NOC4L: variants seen among roughly 807,000 people sequenced by gnomAD.
NOC4L encodes the protein nucleolar complex associated 4 homolog, also known as nucleolar complex protein 4 homolog.
NOC4L carries 40 observed loss-of-function variants against 62.8 expected under a neutral mutation model. That is an observed-to-expected ratio of 0.64 (90% CI 0.49 to 0.83). NOC4L has a LOEUF of 0.83. NOC4L is among the 40% of genes least tolerant of loss of function. NOC4L has a pLI of 0.00. For synonymous variants in NOC4L, 433 were observed against 299.8 expected, an observed-to-expected ratio of 1.44 and a Z score of -4.59; for missense variants, 927 against 701.9, an observed-to-expected ratio of 1.32 and a Z score of -3.62.
rs1227955363 is a variant in NOC4L, at chr12:132,148,902, G to T, written c.901+7G>T. ...ACCCGCGCCTGCGACCTCGGTGAGTGCCGCCGCCTCGCTCACACCACACCC... is the reference window on the plus strand; with the variant it reads ...ACCCGCGCCTGCGACCTCGGTGAGTTCCGCCGCCTCGCTCACACCACACCC... On this transcript the variant is annotated splice_region_variant and intron_variant, in intron 9 of 14. Coordinates refer to ENST00000330579, the MANE Select transcript of NOC4L (RefSeq NM_024078.3). 2 of 1,327,048 alleles carry T rather than the reference G, an allele frequency of 1.5e-6. No homozygotes were observed. Among genetic ancestry groups the T allele is most frequent in the South Asian group, 1.4e-5 (1 of 69,226 alleles). 82.2% of individuals were successfully genotyped at this position (1,327,048 alleles called of 1,614,324 possible).
chr12:132,145,124 G>T (rs1399425823), intron 2 of NOC4L, 150 bp downstream of exon 2: 7 of 1,165,246 alleles, frequency 6.0e-6, no homozygotes, highest in African/African-American at 1.5e-5. Context: ...ATGGATGGTG[G>T]CGTTGGGGCA....
At chr12:132,152,041 G>T in intron 13 of NOC4L, 43 bp from the exon 14 acceptor site, 3 of 1,516,864 alleles carry the variant, frequency 2.0e-6, no homozygotes, top group Non-Finnish European at 1.8e-6. Context: ...GGCACAGGGC[G>T]GGGGCCTGGG....
At chr12:132,150,865 G>C (rs1015231583) in intron 9 of NOC4L, 116 bp from the exon 10 acceptor site, 3 of 749,976 alleles carry the variant, frequency 4.0e-6, no homozygotes, top group Non-Finnish European at 6.8e-6. Context: ...CGTGGGGGCT[G>C]TGGGAGGGGA....
chr12:132,144,995 G>C (rs749498494), intron 2 of NOC4L, 21 bp downstream of exon 2: 10 of 1,578,212 alleles, frequency 6.3e-6, no homozygotes, highest in African/African-American at 2.7e-5. Flanking sequence ...GAGGGCCCCG[G>C]GGCTGCTCTT....
intron 11 of NOC4L, 43 bp from the exon 12 acceptor site, chr12:132,151,441 G>A (rs759765168): frequency 6.2e-6 from 10 of 1,600,440 alleles, no homozygotes; most frequent in Non-Finnish European, 8.5e-6. Context: ...GGTGGTGGGG[G>A]CTAGCAGTCC....
rs758396616 is a variant in NOC4L at position 132,152,188 on chromosome 12, G to A, written c.1422G>A (p.Thr474=). Residue 474 remains threonine (T), a synonymous_variant, in exon 14 of 15, where the codon ACG becomes ACA. Transcript: ENST00000330579. ...GCATCGCGCCACTGCTGGAGCTCAC[G>A]GCCTACGAGGTGCGGAACTGGGCCA... The part of the protein sequence containing the change: ...EVSIAPLLEL[T]AYEIFERDLK... The A allele has an allele frequency of 2.7e-5, 43 of 1,611,654 alleles. No individual in the cohort carries two copies. The highest frequency in any genetic ancestry group is 1.2e-4 in the Admixed American group (7 of 59,948).
In NOC4L at chr12:132,152,443, A is replaced by G. The variant is rs368079035; in HGVS notation, c.*42A>G. On this transcript the variant is annotated 3_prime_UTR_variant, in exon 15 of 15. Coordinates refer to ENST00000330579, the MANE Select transcript of NOC4L (RefSeq NM_024078.3). ...AATAAATCTCAGCTGACCCCAGCCC[A>G]CCTGTGAATAAATGTTTTTGCAGGA... 6 of 1,533,310 alleles carry G rather than the reference A, an allele frequency of 3.9e-6. No individual in the cohort carries two copies. The highest frequency in any genetic ancestry group is 5.3e-6 in the Non-Finnish European group (6 of 1,134,870). The allele number at this position is 1,533,310 out of a possible 1,614,324, so 95.0% of individuals were successfully genotyped here.
intron 3 of NOC4L, among the ~76,000 whole-genome samples, chr12:132,145,907 A>C (rs946633997): frequency 9.8e-5 from 15 of 152,342 alleles, no homozygotes; most frequent in African/African-American, 2.6e-4. Flanking sequence ...CTGTGTTTGC[A>C]TAGAGCACGC....
Position 132,151,752 on chromosome 12 carries a change from C to T in NOC4L, c.1249C>T (p.Pro417Ser), listed in dbSNP as rs374699100. 9.3e-6 allele frequency: 15 copies of T among 1,612,280 alleles called. No homozygotes were observed. Among genetic ancestry groups the T allele is most frequent in the East Asian group, 2.2e-5 (1 of 44,850 alleles). Residue 417 changes from proline to serine, a missense_variant, in exon 13 of 15, where the codon CCC (proline) becomes TCC (serine). By Grantham distance (74) the Pro-to-Ser change is moderately conservative. Coordinates refer to ENST00000330579, the MANE Select transcript of NOC4L (RefSeq NM_024078.3). Reference sequence around the variant, plus strand: ...CTCATTCCTAGAGTTGGACGCCGACCCCTACGACCCTGGAGAGGAGGACCC... The same window carrying T: ...CTCATTCCTAGAGTTGGACGCCGACTCCTACGACCCTGGAGAGGAGGACCC... ...RPHGPELDAD[P>S]YDPGEEDPAQ...
Position 132,151,488 on chromosome 12 carries a change from CT to C in NOC4L, c.1079del (p.Leu360ProfsTer18). 1 of 1,602,200 alleles carries C rather than the reference CT, an allele frequency of 6.2e-7. No homozygotes were observed. Among genetic ancestry groups the C allele is most frequent in the Non-Finnish European group, 8.5e-7 (1 of 1,179,118 alleles). ...CACAACCACTGCCCTGCCCAGCCAC[CT>C]CCCCGCCTACCTGGTGGCCGCCTTC... ...LADLFLSSSH[L>X]PAYLVAAFAK... On this transcript the variant is annotated frameshift_variant, in exon 12 of 15. Coordinates refer to ENST00000330579, the MANE Select transcript of NOC4L (RefSeq NM_024078.3). LOFTEE classifies it high-confidence loss of function.
At position 132,147,236 on chromosome 12, in the gene NOC4L, G is replaced by A. The variant is rs371625084; in HGVS notation, c.346-45G>A. On this transcript the variant is annotated intron_variant, in intron 3 of 14. Coordinates refer to ENST00000330579, the MANE Select transcript of NOC4L (RefSeq NM_024078.3). ...ACTGGGCTGAGCTCTGGGCCCATCCGTGGGGTGAGGGCATCACAGCCACCC... is the reference window on the plus strand; with the variant it reads ...ACTGGGCTGAGCTCTGGGCCCATCCATGGGGTGAGGGCATCACAGCCACCC... 39 of 1,380,526 alleles carry A rather than the reference G, an allele frequency of 2.8e-5. No individual in the cohort carries two copies. The African/African-American group carries it at 4.0e-4, about 14-fold the overall frequency. 85.5% of individuals were successfully genotyped at this position (1,380,526 alleles called of 1,614,324 possible). A position where few individuals can be genotyped will look rare whatever the true frequency, so the allele number is the denominator to read the frequency against.
At position 132,147,930 on chromosome 12, in the gene NOC4L, C is replaced by T. The variant is rs747406434; in HGVS notation, c.654C>T (p.Ser218=). Residue 218 remains serine (S), a synonymous_variant, in exon 6 of 15, where the codon AGC becomes AGT. Coordinates refer to ENST00000330579, the MANE Select transcript of NOC4L (RefSeq NM_024078.3). ...NNAFTLLSAV[S]LPRREPTVSS... ...CCTTCACGCTGCTGTCTGCCGTGAG[C>T]CTGCCCCGCCGGGAGCCCACCGTCT... is the stretch of plus-strand genomic sequence containing the variant. 3.1e-6 allele frequency: 5 copies of T among 1,602,220 alleles called. No homozygotes were observed. In the African/African-American group the frequency reaches 6.7e-5, roughly 21 times the overall value.
At chr12:132,147,185 TG>T in intron 3 of NOC4L, 95 bp from the exon 4 acceptor site, 1 of 936,090 alleles carries the variant, frequency 1.1e-6, no homozygotes, top group Non-Finnish European at 1.5e-6. Flanking sequence ...TTCTCAGCTC[TG>T]GGCCTAGATG....
Position 132,144,690 on chromosome 12 carries a change from G to T in NOC4L, c.117+85G>T. On this transcript the variant is annotated intron_variant, in intron 1 of 14. Transcript: ENST00000330579. ...GGCTGCGGCGGCAGGTCCCCAGGAG[G>T]TTCCGAGACGGCGTTGGGGGGTCAG... 2.1e-6 allele frequency: 3 copies of T among 1,451,130 alleles called. No homozygotes were observed. In the South Asian group the frequency reaches 4.1e-5, roughly 20 times the overall value. 89.9% of individuals were successfully genotyped at this position (1,451,130 alleles called of 1,614,324 possible).
At position 132,147,784 on chromosome 12, in the gene NOC4L, TG is replaced by T; in HGVS notation, c.603+5del. On this transcript the variant is annotated splice_donor_region_variant and intron_variant, in intron 5 of 14. Transcript: ENST00000330579. ...CGGGTCACTGGCCAGCACCCCGAGG[TG>T]GGTGATGGGGTCCTGTCGCCAGCAT... 6.2e-7 allele frequency: 1 copy of T among 1,612,140 alleles called. No individual in the cohort carries two copies.
At position 132,147,307 on chromosome 12, in the gene NOC4L, G is replaced by C. The variant is rs1243807151; in HGVS notation, c.372G>C (p.Lys124Asn). 12 of 1,577,338 alleles carry C rather than the reference G, an allele frequency of 7.6e-6. No homozygotes were observed. The highest frequency in any genetic ancestry group is 1.0e-5 in the Non-Finnish European group (12 of 1,161,206). Residue 124 changes from lysine (K) to asparagine (N), a missense_variant, in exon 4 of 15, where the codon AAG (lysine) becomes AAC (asparagine). Physicochemically the swap from Lys to Asn is moderately conservative, Grantham distance 94. Coordinates refer to ENST00000330579, the MANE Select transcript of NOC4L (RefSeq NM_024078.3). The stretch of plus-strand genomic sequence containing the variant: ...AGCTGGCCCTCAGCGCACTCCTGAA[G>C]TTCGTGCAGCTGGAAGGAGCGCACC... ...VKELALSALL[K>N]FVQLEGAHPL...
At chr12:132,146,382 T>G in intron 3 of NOC4L, 1 of 452,974 alleles carries the variant, frequency 2.2e-6, no homozygotes, top group Non-Finnish European at 4.5e-6. Flanking sequence ...TGCTGGGCAT[T>G]TGCGTCGTTT....
chr12:132,149,166 G>A (rs1164829292), intron 9 of NOC4L, among the ~76,000 whole-genome samples: 1 of 58,052 alleles, frequency 1.7e-5, no homozygotes, highest in African/African-American at 7.7e-5. Flanking sequence ...CTCGGTGAGT[G>A]CCGCCGCCTC....
chr12:132,148,648 C>G lies in NOC4L; in HGVS notation c.778C>G (p.Leu260Val), dbSNP rs772256411. The part of the protein sequence containing the change: ...RVFQAMWLSF[L>V]KHKLPLSLYK... ...TTTCCAGGCCATGTGGCTCAGCTTC[C>G]TCAAGCACAAGGTAGGGGCCAGGCC... Residue 260 changes from leucine to valine, a missense_variant, in exon 8 of 15, where the codon CTC (leucine) becomes GTC (valine). Transcript: ENST00000330579. 7.7e-5 allele frequency: 119 copies of G among 1,545,848 alleles called. No homozygotes were observed. Among genetic ancestry groups the G allele is most frequent in the Non-Finnish European group, 7.9e-5 (90 of 1,143,966 alleles).
Sources: allele counts gnomAD v4.1 joint callset (sites outside exome capture counted in the v4.1 genomes callset), GRCh38; gene constraint gnomAD v4.1.1; transcripts MANE v1.5; gene names NCBI Gene and HGNC (gene_info 2026-07-23, HGNC 2026-07-21).